The following PCDH15 variants were observed in gnomAD, a reference collection of about 807,000 sequenced individuals.
PCDH15 encodes the protein protocadherin-15.
In PCDH15, 129 loss-of-function variants were observed where a neutral mutation model predicts 178.5. The observed-to-expected ratio is 0.72, with a 90% confidence interval of 0.63 to 0.84. The LOEUF is 0.84. PCDH15 is among the 40% of genes least tolerant of loss of function. The pLI, the probability that PCDH15 is intolerant of heterozygous loss-of-function variation, is 0.00. For synonymous variants in PCDH15, 800 were observed against 732.0 expected, an observed-to-expected ratio of 1.09 and a Z score of -1.50; for missense variants, 2,230 against 2,099.9, an observed-to-expected ratio of 1.06 and a Z score of -1.21.
intron 1 of PCDH15, among the ~76,000 whole-genome samples, chr10:55,176,658 G>A (rs1839496128): frequency 6.6e-6 from 1 of 152,048 alleles, no homozygotes; most frequent in South Asian, 2.1e-4. Context: ...AGACGTTCCA[G>A]GATCACTACC....
At chr10:55,367,847 C>T (rs777510343) in intron 2 of PCDH15, among the ~76,000 whole-genome samples, 1 of 151,962 alleles carries the variant, frequency 6.6e-6, no homozygotes, top group Non-Finnish European at 1.5e-5. Flanking sequence ...GTTTTCCTAC[C>T]TAGGAACCCA....
intron 6 of PCDH15, among the ~76,000 whole-genome samples, chr10:54,334,419 C>G (rs913889320): frequency 6.6e-6 from 1 of 152,124 alleles, no homozygotes; most frequent in Non-Finnish European, 1.5e-5. Context: ...ATCCCCTTTA[C>G]TAATATGGGT....
At chr10:54,050,140 A>C (rs1590120403) in intron 18 of PCDH15, among the ~76,000 whole-genome samples, 2 of 152,264 alleles carry the variant, frequency 1.3e-5, no homozygotes, top group Admixed American at 1.3e-4. Flanking sequence ...GACTGGTGCC[A>C]GCTCTTCTCT....
chr10:54,038,903 CATT>C (rs1175942297), intron 18 of PCDH15, among the ~76,000 whole-genome samples: 3 of 151,998 alleles, frequency 2.0e-5, no homozygotes, highest in African/African-American at 2.4e-5. Flanking sequence ...CAGCCAGCTA[CATT>C]ATTACCTCAA....
At chr10:55,096,571 T>C (rs1446329479) in intron 2 of PCDH15, among the ~76,000 whole-genome samples, 2 of 152,150 alleles carry the variant, frequency 1.3e-5, no homozygotes, top group Non-Finnish European at 1.5e-5. Context: ...TCCTGCTGCA[T>C]ATTAGGTCTC....
chr10:53,903,447 T>A, intron 25 of PCDH15, 77 bp from the exon 26 acceptor site: 1 of 1,539,994 alleles, frequency 6.5e-7, no homozygotes, highest in East Asian at 2.3e-5. Context: ...AAATATTTGC[T>A]GCACTTTTTT....
intron 2 of PCDH15, among the ~76,000 whole-genome samples, chr10:55,110,394 C>A (rs183938461): frequency 6.6e-6 from 1 of 152,054 alleles, no homozygotes; most frequent in East Asian, 1.9e-4. Context: ...AGCTGATTAG[C>A]CTTAGTGAGA....
intron 3 of PCDH15, among the ~76,000 whole-genome samples, chr10:54,860,929 A>G (rs974870448): frequency 6.6e-6 from 1 of 152,162 alleles, no homozygotes; most frequent in East Asian, 1.9e-4. Flanking sequence ...GAATTTATTT[A>G]TTAAGCACAA....
chr10:54,277,680 T>C (rs1218811210), intron 8 of PCDH15, among the ~76,000 whole-genome samples: 4 of 151,630 alleles, frequency 2.6e-5, no homozygotes, highest in Non-Finnish European at 4.4e-5. Context: ...CGTTGTGAAA[T>C]AGAAAAGTAG....
At chr10:53,808,328 GTGTATA>G (rs1207292974) in intron 37 of PCDH15, 387 of 322,090 alleles carry the variant, frequency 1.2e-3, no homozygotes, top group African/African-American at 1.8e-3. Context: ...TAGTGTGTGT[GTGTATA>G]TATATATATA....
chr10:54,886,660 G>A (rs1470275788), intron 3 of PCDH15, among the ~76,000 whole-genome samples: 1 of 152,226 alleles, frequency 6.6e-6, no homozygotes, highest in Non-Finnish European at 1.5e-5. Flanking sequence ...TACTCGGGAG[G>A]CCTTGGCAGG....
At chr10:54,969,520 G>T (rs993944014) in intron 2 of PCDH15, among the ~76,000 whole-genome samples, 1 of 152,120 alleles carries the variant, frequency 6.6e-6, no homozygotes, top group African/African-American at 2.4e-5. Context: ...TTAGATGTCT[G>T]TGCCAATCAA....
At chr10:55,621,632 A>G (rs1270827555) in intron 2 of PCDH15, among the ~76,000 whole-genome samples, 1 of 152,180 alleles carries the variant, frequency 6.6e-6, no homozygotes, top group East Asian at 1.9e-4. Context: ...ATGAGAATCT[A>G]AAACTAATTC....
chr10:54,032,170 G>A (rs1400236137), intron 18 of PCDH15, among the ~76,000 whole-genome samples: 1 of 151,508 alleles, frequency 6.6e-6, no homozygotes, highest in African/African-American at 2.4e-5. Context: ...TACTAACCAT[G>A]CTATTTCATG....
intron 2 of PCDH15, among the ~76,000 whole-genome samples, chr10:55,421,166 C>G (rs10763203): frequency 0.47 from 70,940 of 150,776 alleles, 17,513 homozygotes; most frequent in Middle Eastern, 0.53. Context: ...AGAAAGCATT[C>G]AGTAGGATGT....
intron 1 of PCDH15, among the ~76,000 whole-genome samples, chr10:55,309,039 G>A (rs941347471): frequency 6.6e-6 from 1 of 152,100 alleles, no homozygotes; most frequent in Admixed American, 6.5e-5. Flanking sequence ...GAAACTAAAA[G>A]AGCCAATATA....
rs546110407 is a variant in PCDH15 at position 53,981,560 on chromosome 10, C to A, written c.2868+14089G>T. 4.1e-3 allele frequency among the ~76,000 whole-genome samples: 616 copies of A among 151,730 alleles called. 2 individuals are homozygous for A. Among genetic ancestry groups the A allele is most frequent in the African/African-American group, 0.014 (598 of 41,338 alleles). On this transcript the variant is annotated intron_variant, in intron 21 of 37. Transcript: ENST00000644397. ...CTTTGACAAACCTGAGAAAAACAAG[C>A]AATGGGGAAAGGATTCCCTATTTAA...
intron 2 of PCDH15, among the ~76,000 whole-genome samples, chr10:55,402,159 T>G (rs1838086325): frequency 6.9e-6 from 1 of 144,160 alleles, no homozygotes; most frequent in Admixed American, 7.0e-5. Flanking sequence ...ATAAGCCCAT[T>G]TTGTTAGTCA....
chr10:55,078,399 A>G (rs1841962221), intron 2 of PCDH15, among the ~76,000 whole-genome samples: 1 of 152,152 alleles, frequency 6.6e-6, no homozygotes, highest in African/African-American at 2.4e-5. Flanking sequence ...ATTATTCATC[A>G]AATAGGTTTT....
Sources: gnomAD v4.1 joint callset for allele counts (sites outside exome capture counted in the v4.1 genomes callset) on GRCh38, gnomAD v4.1.1 for gene constraint, MANE v1.5 for transcripts, NCBI Gene and HGNC (gene_info 2026-07-23, HGNC 2026-07-21) for gene names.